Variants in ZNF599 observed in about 807,000 individuals in gnomAD.
The protein encoded by ZNF599 is zinc finger protein 599.
ZNF599 carries 10 observed loss-of-function variants against 11.7 expected under a neutral mutation model. The observed-to-expected ratio is 0.86, with a 90% CI of 0.53 to 1.45. ZNF599 has a LOEUF of 1.45. Ranked by LOEUF, ZNF599 falls within the 40% of genes most tolerant of loss-of-function variation. The pLI is 0.00. For synonymous variants in ZNF599, 232 were observed against 253.2 expected (o/e 0.92, Z 0.79); for missense variants, 688 against 713.6 (o/e 0.96, Z 0.41).
upstream of ZNF599, chr19:34,773,321 G>A: frequency 1.3e-5 from 2 of 158,078 alleles, no homozygotes; most frequent in East Asian, 3.7e-4. Context: ...AATGTAGTTT[G>A]ACGGAATCCG....
In ZNF599 at chr19:34,760,069, T is replaced by C; in HGVS notation, c.732A>G (p.Arg244=). ...KACRYMADVI[R]HMRLHTGEKP... Reference sequence around the variant, plus strand: ...TTTCCCCAGTATGAAGCCTCATATGTCGAATGACATCAGCCATATAACGAC... The same window carrying C: ...TTTCCCCAGTATGAAGCCTCATATGCCGAATGACATCAGCCATATAACGAC... Residue 244 remains arginine (R), a synonymous_variant, in exon 4 of 4, where the codon CGA becomes CGG. Transcript: ENST00000329285. 1 of 1,613,964 alleles carries C rather than the reference T, an allele frequency of 6.2e-7. No homozygotes were observed. Among genetic ancestry groups the C allele is most frequent in the South Asian group, 1.1e-5 (1 of 91,062 alleles).
intron 3 of ZNF599, among the ~76,000 whole-genome samples, chr19:34,761,437 T>C (rs2145451455): frequency 6.6e-6 from 1 of 152,330 alleles, no homozygotes; most frequent in Non-Finnish European, 1.5e-5. Flanking sequence ...TTCACAGATA[T>C]TGACAAGCTG....
intron 3 of ZNF599, chr19:34,765,217 AC>A (rs1204645033): frequency 4.4e-6 from 1 of 226,900 alleles, no homozygotes; most frequent in East Asian, 9.4e-5. Context: ...TAGTGTTCAC[AC>A]CCTTTTGTAG....
chr19:34,766,704 T>C (rs779925740), intron 3 of ZNF599, among the ~76,000 whole-genome samples: 2 of 152,226 alleles, frequency 1.3e-5, no homozygotes, highest in African/African-American at 2.4e-5. Context: ...ACTATACCCA[T>C]AGGCTCTTCT....
Position 34,759,340 on chromosome 19 carries a change from G to T in ZNF599, c.1461C>A (p.Ala487=), listed in dbSNP as rs776201206. 1.2e-6 allele frequency: 2 copies of T among 1,613,940 alleles called. No individual in the cohort carries two copies. The highest frequency in any genetic ancestry group is 1.7e-6 in the Non-Finnish European group (2 of 1,180,018). Residue 487 remains alanine (A), a synonymous_variant, in exon 4 of 4, where the codon GCC becomes GCA. Transcript: ENST00000329285. ...GAGTGAAGGAAGAGCTATAGTAAAAGGCTTTTGCACATTCTTTGCACTCCA... is the reference window on the plus strand; with the variant it reads ...GAGTGAAGGAAGAGCTATAGTAAAATGCTTTTGCACATTCTTTGCACTCCA... The part of the protein sequence containing the change: ...KPLECKECAK[A]FYYSSSFTRH...
chr19:34,800,589 T>TTC, the ZNF599 span, among the ~76,000 whole-genome samples: 20 of 140,116 alleles, frequency 1.4e-4, no homozygotes, highest in African/African-American at 5.3e-4. Context: ...TTCCTTTGTT[T>TTC]TTTTTTTTTT....
In ZNF599 at chr19:34,762,530, T is replaced by C. The variant is rs374129647; in HGVS notation, c.242-1971A>G. On this transcript the variant is annotated intron_variant, in intron 3 of 3. Coordinates refer to ENST00000329285, the MANE Select transcript of ZNF599 (RefSeq NM_001007248.3). The stretch of plus-strand genomic sequence containing the variant: ...TCCTATAGATGTGCCTGAGGACACA[T>C]ATATATGAATTATGGCAGCATTGTT... Among the ~76,000 whole-genome samples the C allele has an allele frequency of 3.9e-5, 6 of 152,278 alleles. No homozygotes were observed. In the East Asian group the frequency reaches 9.6e-4, roughly 24 times the overall value.
At position 34,760,146 on chromosome 19, in the gene ZNF599, G is replaced by T. The variant is rs141360911; in HGVS notation, c.655C>A (p.Gln219Lys). 3.3e-5 allele frequency: 54 copies of T among 1,614,102 alleles called. No homozygotes were observed. In the African/African-American group the frequency reaches 6.4e-4, roughly 19 times the overall value. ...SKKWALVRHQ[Q>K]IHAGVKPYEC... Reference sequence around the variant, plus strand: ...TAGGGCTTCACTCCAGCATGAATCTGTTGATGCCGAACAAGGGCCCACTTC... The same window carrying T: ...TAGGGCTTCACTCCAGCATGAATCTTTTGATGCCGAACAAGGGCCCACTTC... The change falls in exon 4 of 4, where the codon CAG becomes AAG. Residue 219 changes from glutamine to lysine, a missense_variant. Gln to Lys is a moderately conservative substitution (Grantham distance 53). Transcript: ENST00000329285.
At chr19:34,769,340 G>A (rs2069166611) in intron 2 of ZNF599, 89 bp downstream of exon 2, 3 of 1,589,190 alleles carry the variant, frequency 1.9e-6, no homozygotes, top group Non-Finnish European at 2.6e-6. Context: ...GGAAGGTTGG[G>A]TTCTGAGGCT....
the ZNF599 span, among the ~76,000 whole-genome samples, chr19:34,794,703 T>C: frequency 2.0e-5 from 3 of 151,980 alleles, no homozygotes; most frequent in Non-Finnish European, 4.4e-5. Context: ...TCCAAGTAGC[T>C]AGGATTACAA....
At chr19:34,762,113 A>G (rs903514913) in intron 3 of ZNF599, among the ~76,000 whole-genome samples, 7 of 152,164 alleles carry the variant, frequency 4.6e-5, no homozygotes, top group Non-Finnish European at 7.3e-5. Context: ...ACATGAACCA[A>G]AAACTGAGTT....
At chr19:34,794,063 C>A in the ZNF599 span, among the ~76,000 whole-genome samples, 4 of 152,198 alleles carry the variant, frequency 2.6e-5, no homozygotes, top group Non-Finnish European at 5.9e-5. Context: ...AGTCACATCT[C>A]ATGTGGATGG....
intron 3 of ZNF599, among the ~76,000 whole-genome samples, chr19:34,761,386 C>A (rs1407709817): frequency 6.6e-6 from 1 of 152,192 alleles, no homozygotes; most frequent in Non-Finnish European, 1.5e-5. Flanking sequence ...AAATTCACTT[C>A]TAAATTCAAT....
At chr19:34,764,610 T>C (rs1243508041) in intron 3 of ZNF599, 1 of 152,208 alleles carries the variant, frequency 6.6e-6, no homozygotes, top group Non-Finnish European at 1.5e-5. Context: ...TGCAACCACA[T>C]GAATGAATCT....
At chr19:34,767,978 T>G (rs1242861561) in intron 2 of ZNF599, among the ~76,000 whole-genome samples, 1 of 152,134 alleles carries the variant, frequency 6.6e-6, no homozygotes, top group Non-Finnish European at 1.5e-5. Context: ...GGAGGTGGTC[T>G]TCTTCCACAT....
chr19:34,801,195 T>C, the ZNF599 span, among the ~76,000 whole-genome samples: 1 of 152,234 alleles, frequency 6.6e-6, no homozygotes, highest in Non-Finnish European at 1.5e-5. Context: ...AACCTCATAC[T>C]CTTCCACTAT....
At position 34,759,025 on chromosome 19, in the gene ZNF599, C is replaced by G; in HGVS notation, c.*9G>C. On this transcript the variant is annotated 3_prime_UTR_variant, in exon 4 of 4. Transcript: ENST00000329285. ...ACAAACACACTTGTAATAGGCCTTC[C>G]TGTATCTTTTAAACTCTGGTATGAA... The G allele has an allele frequency of 6.3e-7, 1 of 1,597,904 alleles. No individual in the cohort carries two copies. Among genetic ancestry groups the G allele is most frequent in the Non-Finnish European group, 8.5e-7 (1 of 1,170,504 alleles).
rs137997147 is a variant in ZNF599, at chr19:34,760,071, G to C, written c.730C>G (p.Arg244Gly). ...KACRYMADVI[R>G]HMRLHTGEKP... ...TCCCCAGTATGAAGCCTCATATGTC[G>C]AATGACATCAGCCATATAACGACAG... is the stretch of plus-strand genomic sequence containing the variant. The change falls in exon 4 of 4, where the codon CGA (arginine) becomes GGA (glycine). Residue 244 changes from arginine to glycine, a missense_variant. Transcript: ENST00000329285. The C allele has an allele frequency of 6.2e-7, 1 of 1,613,838 alleles. No homozygotes were observed. The highest frequency in any genetic ancestry group is 8.5e-7 in the Non-Finnish European group (1 of 1,180,002).
chr19:34,787,199 A>G, the ZNF599 span, among the ~76,000 whole-genome samples: 8 of 151,058 alleles, frequency 5.3e-5, no homozygotes, highest in Admixed American at 2.0e-4. Flanking sequence ...AGTACTCATG[A>G]AATGCATTAC....
Sources: gnomAD v4.1 joint callset for allele counts (sites outside exome capture counted in the v4.1 genomes callset) on GRCh38, gnomAD v4.1.1 for gene constraint, MANE v1.5 for transcripts, NCBI Gene and HGNC (gene_info 2026-07-23, HGNC 2026-07-21) for gene names.